LRRTM4: variants seen among roughly 807,000 people sequenced by gnomAD.
The protein encoded by LRRTM4 is leucine rich repeat transmembrane neuronal 4, also known as leucine-rich repeat transmembrane neuronal protein 4.
A neutral mutation model predicts 47.6 loss-of-function variants in LRRTM4; 25 were observed. That is an observed-to-expected ratio of 0.53 (90% CI 0.38 to 0.73). The LOEUF (loss-of-function observed/expected upper bound fraction) is 0.73. LRRTM4 is among the 30% of genes least tolerant of loss of function. The pLI, the probability that LRRTM4 is intolerant of heterozygous loss-of-function variation, is 0.00. For missense variants in LRRTM4, 638 were observed against 713.4 expected (o/e 0.89, Z 1.20); for synonymous variants, 311 against 269.5 (o/e 1.15, Z -1.51).
intron 3 of LRRTM4, among the ~76,000 whole-genome samples, chr2:76,950,620 CA>C (rs569749828): frequency 4.6e-5 from 7 of 151,762 alleles, no homozygotes; most frequent in Non-Finnish European, 1.0e-4. Flanking sequence ...ATTTGCTGCT[CA>C]AAACTTCAGA....
At chr2:77,512,548 T>G (rs1005737710) in intron 3 of LRRTM4, among the ~76,000 whole-genome samples, 16 of 152,132 alleles carry the variant, frequency 1.1e-4, no homozygotes, top group African/African-American at 3.9e-4. Flanking sequence ...ACTCTCAGTG[T>G]CTAGTGATAT....
intron 3 of LRRTM4, among the ~76,000 whole-genome samples, chr2:77,369,293 T>C (rs1027776250): frequency 6.6e-6 from 1 of 151,708 alleles, no homozygotes; most frequent in Admixed American, 6.6e-5. Flanking sequence ...TAGTTTGATA[T>C]AGTCCCATTT....
At chr2:77,193,292 CCAAA>C (rs770890612) in intron 3 of LRRTM4, among the ~76,000 whole-genome samples, 11 of 152,002 alleles carry the variant, frequency 7.2e-5, no homozygotes, top group Non-Finnish European at 1.2e-4. Context: ...AACAAAATCA[CCAAA>C]CAAAGCATTT....
intron 3 of LRRTM4, among the ~76,000 whole-genome samples, chr2:77,024,514 A>T (rs894565279): frequency 1.3e-5 from 2 of 151,986 alleles, no homozygotes; most frequent in Non-Finnish European, 2.9e-5. Context: ...AAAAAAGGAA[A>T]ATTCAAGTTC....
chr2:76,997,549 G>A lies in LRRTM4; in HGVS notation c.1552-248633C>T, dbSNP rs148273916. ...ACCAAAGCTCAAACCAGTTTTCCTT[G>A]ATACCATACTGCTCCCACTTGCTGA... is the stretch of plus-strand genomic sequence containing the variant. On this transcript the variant is annotated intron_variant, in intron 3 of 3. Transcript: ENST00000409884. 3.4e-3 allele frequency among the ~76,000 whole-genome samples: 510 copies of A among 152,172 alleles called. 4 individuals are homozygous for A. The highest frequency in any genetic ancestry group is 0.012 in the African/African-American group (482 of 41,518).
At position 77,191,462 on chromosome 2, in the gene LRRTM4, G is replaced by A. The variant is rs914404522; in HGVS notation, c.1551+326856C>T. On this transcript the variant is annotated intron_variant, in intron 3 of 3. Transcript: ENST00000409884. ...TTTATTTAAAAATATATATAAGGTAGAAGGCAATATAAAAGTGTAATTTGA... is the reference window on the plus strand; with the variant it reads ...TTTATTTAAAAATATATATAAGGTAAAAGGCAATATAAAAGTGTAATTTGA... Among the ~76,000 whole-genome samples the A allele has an allele frequency of 3.3e-5, 5 of 151,650 alleles. No homozygotes were observed. The East Asian group carries it at 9.6e-4, about 29-fold the overall frequency.
At chr2:77,086,097 A>G (rs913241961) in intron 3 of LRRTM4, among the ~76,000 whole-genome samples, 3 of 152,222 alleles carry the variant, frequency 2.0e-5, no homozygotes, top group Admixed American at 2.0e-4. Flanking sequence ...ATTTCACTGA[A>G]GCCGGACTGT....
intron 3 of LRRTM4, among the ~76,000 whole-genome samples, chr2:76,981,646 C>T (rs1421012237): frequency 6.6e-6 from 1 of 151,946 alleles, no homozygotes; most frequent in Non-Finnish European, 1.5e-5. Context: ...GGGCATGCCA[C>T]CATGCCTAGC....
chr2:77,385,577 T>C (rs978849163), intron 3 of LRRTM4, among the ~76,000 whole-genome samples: 1 of 152,150 alleles, frequency 6.6e-6, no homozygotes, highest in African/African-American at 2.4e-5. Flanking sequence ...AGAAGTATAA[T>C]TTCTGATATC....
At chr2:76,905,128 G>C (rs1673781135) in intron 3 of LRRTM4, among the ~76,000 whole-genome samples, 1 of 152,078 alleles carries the variant, frequency 6.6e-6, no homozygotes, top group Non-Finnish European at 1.5e-5. Context: ...ACCTCACATG[G>C]CCGGGTACTC....
chr2:76,981,262 G>C (rs1288128768), intron 3 of LRRTM4, among the ~76,000 whole-genome samples: 1 of 152,028 alleles, frequency 6.6e-6, no homozygotes, highest in African/African-American at 2.4e-5. Flanking sequence ...CTCTAAAATA[G>C]ATATCCAGAA....
intron 3 of LRRTM4, among the ~76,000 whole-genome samples, chr2:76,921,728 AATAT>A (rs1674439192): frequency 6.6e-6 from 1 of 151,942 alleles, no homozygotes; most frequent in South Asian, 2.1e-4. Flanking sequence ...ATATCCCTTT[AATAT>A]TTCCCCATTG....
At position 77,522,124 on chromosome 2, in the gene LRRTM4, G is replaced by T. The variant is rs973465059; in HGVS notation, c.-163C>A. On this transcript the variant is annotated 5_prime_UTR_variant, in exon 1 of 4. Transcript: ENST00000409884. Reference sequence around the variant, plus strand: ...TTCAGAATACCTGGCATTCCTTATTGTGCTGGCTTTTGCCATTCCCAGATA... The same window carrying T: ...TTCAGAATACCTGGCATTCCTTATTTTGCTGGCTTTTGCCATTCCCAGATA... 5.6e-6 allele frequency: 4 copies of T among 716,146 alleles called. 1 individual carries two copies. In the South Asian group the frequency reaches 5.9e-5, roughly 11 times the overall value. The allele number at this position is 716,146 out of a possible 1,614,324, so 44.4% of individuals were successfully genotyped here.
intron 3 of LRRTM4, among the ~76,000 whole-genome samples, chr2:76,773,389 CTCTT>C (rs1573076534): frequency 1.3e-5 from 2 of 152,172 alleles, no homozygotes; most frequent in Non-Finnish European, 2.9e-5. Flanking sequence ...CTTAAATAAA[CTCTT>C]TCTTGCCATT....
intron 3 of LRRTM4, among the ~76,000 whole-genome samples, chr2:76,846,768 A>C (rs937826636): frequency 6.6e-6 from 1 of 152,146 alleles, no homozygotes. Context: ...CCAACTATAT[A>C]CTAAGAACAT....
intron 3 of LRRTM4, among the ~76,000 whole-genome samples, chr2:76,942,100 A>G (rs79546382): frequency 0.087 from 13,291 of 152,190 alleles, 934 homozygotes; most frequent in East Asian, 0.38. Flanking sequence ...TGTTGTCCAC[A>G]TAAATATCTT....
chr2:76,894,774 T>C (rs1157660930), intron 3 of LRRTM4, among the ~76,000 whole-genome samples: 1 of 151,936 alleles, frequency 6.6e-6, no homozygotes, highest in Non-Finnish European at 1.5e-5. Context: ...TATTTGTATA[T>C]TTATCACATA....
chr2:76,764,220 A>G (rs1420170667), intron 3 of LRRTM4, among the ~76,000 whole-genome samples: 2 of 152,358 alleles, frequency 1.3e-5, no homozygotes, highest in Middle Eastern at 3.4e-3. Context: ...ACCAGAACTT[A>G]AAGATTTGGA....
In LRRTM4 at chr2:76,913,953, A is replaced by G. The variant is rs931666351; in HGVS notation, c.1552-165037T>C. ...TATGCTAGACTTTTGCACTGTTTGAATATTGTTTAGAAATGCATATCTCTT... is the reference window on the plus strand; with the variant it reads ...TATGCTAGACTTTTGCACTGTTTGAGTATTGTTTAGAAATGCATATCTCTT... On this transcript the variant is annotated intron_variant, in intron 3 of 3. Coordinates refer to ENST00000409884, the MANE Select transcript of LRRTM4 (RefSeq NM_001134745.3). Among the ~76,000 whole-genome samples the G allele has an allele frequency of 3.9e-5, 6 of 152,176 alleles. No homozygotes were observed. The South Asian group carries it at 1.2e-3, about 32-fold the overall frequency.
Sources: allele counts gnomAD v4.1 joint callset (sites outside exome capture counted in the v4.1 genomes callset), GRCh38; gene constraint gnomAD v4.1.1; transcripts MANE v1.5; gene names NCBI Gene and HGNC (gene_info 2026-07-23, HGNC 2026-07-21).